Variants in NAPG observed in about 807,000 individuals in gnomAD.
The protein encoded by NAPG is gamma-soluble NSF attachment protein.
NAPG carries 25 observed loss-of-function variants against 48.4 expected under a neutral mutation model. That is an observed-to-expected ratio of 0.52 (90% CI 0.38 to 0.72). The LOEUF is 0.72. NAPG is among the 30% of genes least tolerant of loss of function. The probability of loss-of-function intolerance (pLI) is 0.00; values close to 1 mark genes in which losing one functional copy is unlikely to be tolerated. For synonymous variants in NAPG, 139 were observed against 127.2 expected (o/e 1.09, Z -0.62); for missense variants, 359 against 372.5 (o/e 0.96, Z 0.30).
Position 10,534,333 on chromosome 18 carries a change from C to A in NAPG, c.228-133C>A. 1 of 605,706 alleles carries A rather than the reference C, an allele frequency of 1.7e-6. No individual in the cohort carries two copies. The allele number at this position is 605,706 out of a possible 1,614,324, so 37.5% of individuals were successfully genotyped here. On this transcript the variant is annotated intron_variant, in intron 4 of 11. Coordinates refer to ENST00000322897, the MANE Select transcript of NAPG (RefSeq NM_003826.3). The surrounding 1 kb of genome is among the most constrained non-coding windows in gnomAD (Gnocchi z 5.0). ...AAATTATATTGTGTGGTAATATAAG[C>A]CTGAAGTGATATGTTGTGCATGAGC... is the stretch of plus-strand genomic sequence containing the variant.
intron 1 of NAPG, among the ~76,000 whole-genome samples, chr18:10,527,343 A>G (rs1298755213): frequency 6.6e-6 from 1 of 152,194 alleles, no homozygotes; most frequent in Non-Finnish European, 1.5e-5. Context: ...GAAGCCTCAT[A>G]ACGACTTGCC....
Position 10,550,286 on chromosome 18 carries a change from G to C in NAPG, c.*66G>C. Reference sequence around the variant, plus strand: ...TCCTGACATGCCATTTCAAGGACTTGGGAATAGATTAGGGATATCCGTACT... The same window carrying C: ...TCCTGACATGCCATTTCAAGGACTTCGGAATAGATTAGGGATATCCGTACT... On this transcript the variant is annotated 3_prime_UTR_variant, in exon 12 of 12. Coordinates refer to ENST00000322897, the MANE Select transcript of NAPG (RefSeq NM_003826.3). 3 of 1,504,840 alleles carry C rather than the reference G, an allele frequency of 2.0e-6. No homozygotes were observed. The South Asian group carries it at 3.9e-5, about 20-fold the overall frequency. The allele number at this position is 1,504,840 out of a possible 1,614,324, so 93.2% of individuals were successfully genotyped here. A position where few individuals can be genotyped will look rare whatever the true frequency, so the allele number is the denominator to read the frequency against.
chr18:10,552,616 T>G lies in NAPG; in HGVS notation c.*2396T>G, dbSNP rs2032422638. 1 of 152,242 alleles carries G rather than the reference T, an allele frequency of 6.6e-6. No individual in the cohort carries two copies. The highest frequency in any genetic ancestry group is 2.4e-5 in the African/African-American group (1 of 41,462). The allele number at this position is 152,242 out of a possible 1,614,324, so 9.4% of individuals were successfully genotyped here. On this transcript the variant is annotated 3_prime_UTR_variant, in exon 12 of 12. Coordinates refer to ENST00000322897, the MANE Select transcript of NAPG (RefSeq NM_003826.3). ...AATATATTGAATTTATTTGTACATA[T>G]GCAGAGTACGGTATTTCTGTATGGA... is the stretch of plus-strand genomic sequence containing the variant.
intron 1 of NAPG, 80 bp downstream of exon 1, chr18:10,526,238 GCGGGA>G: frequency 1.4e-5 from 12 of 858,038 alleles, no homozygotes; most frequent in East Asian, 3.3e-5. Flanking sequence ...CCCGGGGGGG[GCGGGA>G]GGGAGGGCTC....
At chr18:10,526,702 C>T (rs1361651304) in intron 1 of NAPG, 6 of 154,474 alleles carry the variant, frequency 3.9e-5, no homozygotes, top group African/African-American at 9.7e-5. Context: ...ATTTTACTGT[C>T]CCTGTGGGCA....
chr18:10,532,865 T>A, intron 3 of NAPG, 70 bp downstream of exon 3: 1 of 1,288,428 alleles, frequency 7.8e-7, no homozygotes, highest in Non-Finnish European at 1.1e-6. Context: ...TCTCTTGCTG[T>A]AAATTTACTT....
rs1336582882 is a variant in NAPG at position 10,534,451 on chromosome 18, A to G, written c.228-15A>G. The G allele has an allele frequency of 2.5e-6, 4 of 1,612,584 alleles. No homozygotes were observed. The African/African-American group carries it at 5.3e-5, about 22-fold the overall frequency. On this transcript the variant is annotated splice_polypyrimidine_tract_variant and intron_variant, in intron 4 of 11. Transcript: ENST00000322897. The surrounding 1 kb of genome is among the most constrained non-coding windows in gnomAD (Gnocchi z 5.0). ...TCGTTAAGATCTCATCAGAGAAATT[A>G]TATTCTCTTTGCAGAGCTTATGAGC...
rs2032192586 is a variant in NAPG, at chr18:10,543,196, T to TTGTGCCTCTGAGAGAAGGTC, written c.506+2799_506+2818dup. Among the ~76,000 whole-genome samples the TTGTGCCTCTGAGAGAAGGTC allele has an allele frequency of 6.6e-6, 1 of 151,706 alleles. No individual in the cohort carries two copies. Among genetic ancestry groups the TTGTGCCTCTGAGAGAAGGTC allele is most frequent in the Non-Finnish European group, 1.5e-5 (1 of 67,938 alleles). ...CCTTTCCAGCAAGTTGATCATGACC[T>TTGTGCCTCTGAGAGAAGGTC]TGTGCCTCTGAGAGAAGGTCTATGC... On this transcript the variant is annotated intron_variant, in intron 8 of 11. Coordinates refer to ENST00000322897, the MANE Select transcript of NAPG (RefSeq NM_003826.3). The surrounding 1 kb of genome is among the most constrained non-coding windows in gnomAD (Gnocchi z 4.4).
Position 10,540,008 on chromosome 18 carries a change from C to T in NAPG, c.389C>T (p.Pro130Leu), listed in dbSNP as rs1225607137. Residue 130 changes from proline (P) to leucine (L), a missense_variant, in exon 7 of 12, where the codon CCA becomes CTA. By Grantham distance (98) the Pro-to-Leu change is moderately conservative. Transcript: ENST00000322897. ...TTCAGGCTTATAGAAAATGTTGATC[C>T]AGAGAAGGCTGTACAGTTATATCAA... ...RAGKLIENVD[P>L]EKAVQLYQQT... 16 of 1,599,740 alleles carry T rather than the reference C, an allele frequency of 1.0e-5. No individual in the cohort carries two copies. The highest frequency in any genetic ancestry group is 1.3e-5 in the Non-Finnish European group (15 of 1,172,224).
rs16974795 is a variant in NAPG, at chr18:10,542,499, A to G, written c.506+2100A>G. On this transcript the variant is annotated intron_variant, in intron 8 of 11. Coordinates refer to ENST00000322897, the MANE Select transcript of NAPG (RefSeq NM_003826.3). The surrounding 1 kb of genome is among the most constrained non-coding windows in gnomAD (Gnocchi z 4.5). ...ATGCAGTGTTTATAGTGATGGAGAC[A>G]TTATTGAGATGATTTATGTGATAAT... Among the ~76,000 whole-genome samples the G allele has an allele frequency of 7.9e-3, 1,202 of 152,246 alleles. 19 individuals are homozygous for G. Among genetic ancestry groups the G allele is most frequent in the African/African-American group, 0.028 (1,151 of 41,546 alleles).
chr18:10,548,847 C>T lies in NAPG; in HGVS notation c.666-120C>T, dbSNP rs1411202942. 4 of 1,297,988 alleles carry T rather than the reference C, an allele frequency of 3.1e-6. No individual in the cohort carries two copies. Among genetic ancestry groups the T allele is most frequent in the Non-Finnish European group, 4.2e-6 (4 of 958,376 alleles). The allele number at this position is 1,297,988 out of a possible 1,614,324, so 80.4% of individuals were successfully genotyped here. ...GCCCTCTAGATGCCACTAGCATTCCCACACTTTTAAGTACCAAAATGTCTC... is the reference window on the plus strand; with the variant it reads ...GCCCTCTAGATGCCACTAGCATTCCTACACTTTTAAGTACCAAAATGTCTC... On this transcript the variant is annotated intron_variant, in intron 10 of 11. Coordinates refer to ENST00000322897, the MANE Select transcript of NAPG (RefSeq NM_003826.3). The surrounding 1 kb of genome is among the most constrained non-coding windows in gnomAD (Gnocchi z 4.4).
At position 10,543,299 on chromosome 18, in the gene NAPG, C is replaced by T. The variant is rs1362711458; in HGVS notation, c.506+2900C>T. On this transcript the variant is annotated intron_variant, in intron 8 of 11. Coordinates refer to ENST00000322897, the MANE Select transcript of NAPG (RefSeq NM_003826.3). This position sits in a 1 kb window ranked among gnomAD's most constrained non-coding sequence, Gnocchi z 4.4. The stretch of plus-strand genomic sequence containing the variant: ...CACTTAGCAAAGAAAAGAGCTGCTT[C>T]TCACCAGTTGTCTGAGACAGTCACT... Among the ~76,000 whole-genome samples the T allele has an allele frequency of 2.0e-5, 3 of 152,112 alleles. No homozygotes were observed. In the East Asian group the frequency reaches 5.8e-4, roughly 29 times the overall value.
In NAPG at chr18:10,543,902, C is replaced by T. The variant is rs1464899289; in HGVS notation, c.507-2424C>T. 2.0e-5 allele frequency among the ~76,000 whole-genome samples: 3 copies of T among 152,058 alleles called. No individual in the cohort carries two copies. Among genetic ancestry groups the T allele is most frequent in the Non-Finnish European group, 2.9e-5 (2 of 68,006 alleles). On this transcript the variant is annotated intron_variant, in intron 8 of 11. Coordinates refer to ENST00000322897, the MANE Select transcript of NAPG (RefSeq NM_003826.3). This position sits in a 1 kb window ranked among gnomAD's most constrained non-coding sequence, Gnocchi z 4.4. Reference sequence around the variant, plus strand: ...TTTTAGCAAAGTCGATCAACTTTTTCGACTACAAACTCATGTAAGGGCTTG... The same window carrying T: ...TTTTAGCAAAGTCGATCAACTTTTTTGACTACAAACTCATGTAAGGGCTTG...
Position 10,549,957 on chromosome 18 carries a change from C to T in NAPG, c.796-120C>T, listed in dbSNP as rs2032352068. ...GCATTGTTGGGCTTTGTTTTTCCAT[C>T]TGAATGGTAGAATTGGTGTTCCTGA... On this transcript the variant is annotated intron_variant, in intron 11 of 11. Transcript: ENST00000322897. 6.6e-6 allele frequency: 7 copies of T among 1,062,082 alleles called. No individual in the cohort carries two copies. The South Asian group carries it at 7.9e-5, about 12-fold the overall frequency. 65.8% of individuals were successfully genotyped at this position (1,062,082 alleles called of 1,614,324 possible).
chr18:10,546,054 C>CCTTA lies in NAPG; in HGVS notation c.507-269_507-266dup, dbSNP rs1237470569. 6.6e-6 allele frequency among the ~76,000 whole-genome samples: 1 copy of CCTTA among 152,186 alleles called. No individual in the cohort carries two copies. Among genetic ancestry groups the CCTTA allele is most frequent in the Non-Finnish European group, 1.5e-5 (1 of 68,042 alleles). ...GTCGTGACACTCGCTATTGGACAGT[C>CCTTA]CTTACTAAGCTTAAAACTCCCCGTT... On this transcript the variant is annotated intron_variant, in intron 8 of 11. Coordinates refer to ENST00000322897, the MANE Select transcript of NAPG (RefSeq NM_003826.3). This position sits in a 1 kb window ranked among gnomAD's most constrained non-coding sequence, Gnocchi z 4.0.
chr18:10,526,331 C>T (rs2031809315), intron 1 of NAPG, 173 bp downstream of exon 1: 2 of 639,702 alleles, frequency 3.1e-6, no homozygotes, highest in South Asian at 3.9e-5. Flanking sequence ...CTCCCGGGGT[C>T]GGGGTCAGCT....
rs763151146 is a variant in NAPG, at chr18:10,539,861, C to T, written c.358C>T (p.Arg120Ter). Residue 120 changes from arginine to a stop codon, truncating the protein, a stop_gained, in exon 6 of 12, where the codon CGA (arginine) becomes TGA (stop). Coordinates refer to ENST00000322897, the MANE Select transcript of NAPG (RefSeq NM_003826.3). LOFTEE classifies it high-confidence loss of function. This position sits in a 1 kb window ranked among gnomAD's most constrained non-coding sequence, Gnocchi z 4.7. ...AGACACAGCAGCCATGGCTTTGGAG[C>T]GAGCTGGAAAGTGAGTGTGAGATGG... ...TPDTAAMALE[R>*]AGKLIENVDP... 5 of 1,613,820 alleles carry T rather than the reference C, an allele frequency of 3.1e-6. No homozygotes were observed. Among genetic ancestry groups the T allele is most frequent in the South Asian group, 1.1e-5 (1 of 91,070 alleles).
At chr18:10,536,303 C>G (rs1792276328) in intron 5 of NAPG, among the ~76,000 whole-genome samples, 1 of 152,196 alleles carries the variant, frequency 6.6e-6, no homozygotes. Flanking sequence ...GTTGGGAGCA[C>G]AGGACCCCTG....
In NAPG at chr18:10,542,434, C is replaced by T. The variant is rs1216678948; in HGVS notation, c.506+2035C>T. On this transcript the variant is annotated intron_variant, in intron 8 of 11. Transcript: ENST00000322897. This position sits in a 1 kb window ranked among gnomAD's most constrained non-coding sequence, Gnocchi z 4.5. ...AAAAATTAAGTCTACTGTCATGGTA[C>T]TTCTATTGGGAACTTAAATAGTGCA... 6.6e-6 allele frequency among the ~76,000 whole-genome samples: 1 copy of T among 152,082 alleles called. No individual in the cohort carries two copies. Among genetic ancestry groups the T allele is most frequent in the Non-Finnish European group, 1.5e-5 (1 of 68,020 alleles).
Sources: gnomAD v4.1 joint callset for allele counts (sites outside exome capture counted in the v4.1 genomes callset) on GRCh38, gnomAD v4.1.1 for gene constraint, Gnocchi (gnomAD v3.1) non-coding constraint, MANE v1.5 for transcripts, NCBI Gene and HGNC (gene_info 2026-07-23, HGNC 2026-07-21) for gene names.